The following SPDYA variants were observed in gnomAD, a reference collection of about 807,000 sequenced individuals.
SPDYA encodes speedy protein A.
Under a neutral mutation model 36.7 loss-of-function variants are expected in SPDYA, and 11 were observed. The ratio of observed to expected loss-of-function variants is 0.30; its 90% CI spans 0.19 to 0.50. The LOEUF is 0.50. SPDYA is among the 20% of genes least tolerant of loss of function. The pLI is 0.98. For missense variants in SPDYA, 287 were observed against 370.9 expected, an observed-to-expected ratio of 0.77 and a Z score of 1.86; for synonymous variants, 115 against 118.7, an observed-to-expected ratio of 0.97 and a Z score of 0.20.
chr2:28,829,666 G>C (rs1668424609), intron 6 of SPDYA, among the ~76,000 whole-genome samples: 1 of 151,854 alleles, frequency 6.6e-6, no homozygotes, highest in Non-Finnish European at 1.5e-5. Flanking sequence ...AAATTAGGCT[G>C]GGTGCGGTGG....
intron 1 of SPDYA, among the ~76,000 whole-genome samples, chr2:28,814,350 A>C (rs747731584): frequency 7.9e-5 from 12 of 151,652 alleles, no homozygotes; most frequent in Non-Finnish European, 1.8e-4. Flanking sequence ...AAAAAAAAGA[A>C]AAAAAGATTG....
chr2:28,816,867 T>TG (rs917562153), intron 3 of SPDYA, among the ~76,000 whole-genome samples: 2 of 151,758 alleles, frequency 1.3e-5, no homozygotes, highest in Non-Finnish European at 2.9e-5. Flanking sequence ...AGGGAATTTT[T>TG]TTTTTTTGAG....
intron 6 of SPDYA, among the ~76,000 whole-genome samples, chr2:28,831,650 A>G (rs773163589): frequency 6.6e-6 from 1 of 152,194 alleles, no homozygotes; most frequent in Non-Finnish European, 1.5e-5. Flanking sequence ...AATAAACTGT[A>G]AATGTAATGA....
At chr2:28,828,836 A>C (rs1185079180) in intron 5 of SPDYA, among the ~76,000 whole-genome samples, 3 of 152,242 alleles carry the variant, frequency 2.0e-5, no homozygotes, top group Non-Finnish European at 4.4e-5. Context: ...GTGAGGAATA[A>C]CTAGCCCCAG....
intron 4 of SPDYA, among the ~76,000 whole-genome samples, chr2:28,820,706 T>G (rs984722664): frequency 6.6e-6 from 1 of 152,198 alleles, no homozygotes; most frequent in African/African-American, 2.4e-5. Flanking sequence ...TACCAAGCAG[T>G]CATATTTGAA....
rs189622739 is a variant in SPDYA, at chr2:28,832,805, A to G, written c.552+3486A>G. 5.0e-3 allele frequency among the ~76,000 whole-genome samples: 759 copies of G among 151,320 alleles called. 10 individuals are homozygous for G. Among genetic ancestry groups the G allele is most frequent in the Non-Finnish European group, 6.0e-3 (407 of 67,900 alleles). ...TTTATTGTCACCTCTTGCCTTGATT[A>G]CTGGCATAAGTTTCCAAATAGTCTC... On this transcript the variant is annotated intron_variant, in intron 6 of 7. Transcript: ENST00000334056.
intron 5 of SPDYA, among the ~76,000 whole-genome samples, chr2:28,823,948 C>T (rs62131974): frequency 0.42 from 61,555 of 147,868 alleles, 13,604 homozygotes; most frequent in Non-Finnish European, 0.51. Flanking sequence ...GGTTTTACCA[C>T]GTTGGCCAGG....
intron 4 of SPDYA, among the ~76,000 whole-genome samples, chr2:28,819,552 C>G (rs1311379253): frequency 6.6e-6 from 1 of 151,638 alleles, no homozygotes; most frequent in African/African-American, 2.4e-5. Flanking sequence ...TAAGAGCTAG[C>G]CTGCACTGCT....
At chr2:28,818,003 C>A (rs1311042965) in intron 3 of SPDYA, among the ~76,000 whole-genome samples, 5 of 144,476 alleles carry the variant, frequency 3.5e-5, no homozygotes, top group South Asian at 2.2e-4. Context: ...CTCTACAATA[C>A]AAAAAAAAAA....
rs1025879002 is a variant in SPDYA, at chr2:28,811,856, T to C, written c.-93+909T>C. ...CTGTAATCCCAGCTCCTCGGGAGGC[T>C]GAGGCGGGAGAATCGCTTGAACCCG... On this transcript the variant is annotated intron_variant, in intron 1 of 7. Coordinates refer to ENST00000334056, the MANE Select transcript of SPDYA (RefSeq NM_182756.4). This position sits in a 1 kb window ranked among gnomAD's most constrained non-coding sequence, Gnocchi z 4.2. Among the ~76,000 whole-genome samples the C allele has an allele frequency of 3.9e-5, 6 of 152,174 alleles. No homozygotes were observed. Among genetic ancestry groups the C allele is most frequent in the Admixed American group, 3.9e-4 (6 of 15,288 alleles).
intron 5 of SPDYA, 34 bp from the exon 6 acceptor site, chr2:28,829,114 C>CAG: frequency 6.3e-7 from 1 of 1,587,202 alleles, no homozygotes; most frequent in East Asian, 2.2e-5. Flanking sequence ...GTCCTTTACC[C>CAG]ATTTCTTTTT....
At chr2:28,820,459 A>AC (rs1168676682) in intron 4 of SPDYA, among the ~76,000 whole-genome samples, 16 of 151,804 alleles carry the variant, frequency 1.1e-4, no homozygotes, top group Non-Finnish European at 4.4e-5. Flanking sequence ...GGTGGTGCGC[A>AC]CCCATAGTCC....
At chr2:28,847,135 G>A (rs539115959) in intron 7 of SPDYA, among the ~76,000 whole-genome samples, 15 of 152,244 alleles carry the variant, frequency 9.9e-5, no homozygotes, top group East Asian at 9.7e-4. Context: ...CTGAGGTCAG[G>A]AGTTTGAGAT....
chr2:28,836,587 GACC>G (rs1489766024), intron 6 of SPDYA, among the ~76,000 whole-genome samples: 1 of 151,912 alleles, frequency 6.6e-6, no homozygotes, highest in Non-Finnish European at 1.5e-5. Flanking sequence ...TATTATCCTT[GACC>G]ACATCAACTC....
Position 28,816,040 on chromosome 2 carries a change from A to G in SPDYA, c.26A>G (p.Glu9Gly). 1 of 1,613,396 alleles carries G rather than the reference A, an allele frequency of 6.2e-7. No homozygotes were observed. The highest frequency in any genetic ancestry group is 8.5e-7 in the Non-Finnish European group (1 of 1,179,858). The part of the protein sequence containing the change: MRHNQMCC[E>G]TPPTVTVYVK... ...ATGAGGCACAATCAGATGTGTTGTGAGACACCACCTACTGTCACTGTTTAT... is the reference window on the plus strand; with the variant it reads ...ATGAGGCACAATCAGATGTGTTGTGGGACACCACCTACTGTCACTGTTTAT... The change falls in exon 3 of 8, where the codon GAG becomes GGG. Residue 9 changes from glutamate to glycine, a missense_variant. Physicochemically the swap from Glu to Gly is moderately conservative, Grantham distance 98. Transcript: ENST00000334056.
chr2:28,832,153 T>C (rs774651239), intron 6 of SPDYA, among the ~76,000 whole-genome samples: 14 of 152,182 alleles, frequency 9.2e-5, no homozygotes, highest in Non-Finnish European at 1.8e-4. Flanking sequence ...TTCCATTCTG[T>C]TTGAACCTGT....
chr2:28,846,040 A>T (rs1668865899), intron 7 of SPDYA, among the ~76,000 whole-genome samples: 1 of 152,168 alleles, frequency 6.6e-6, no homozygotes, highest in Admixed American at 6.5e-5. Flanking sequence ...AAAGCCTCCC[A>T]CAATCGCAGA....
At chr2:28,833,583 A>T in intron 6 of SPDYA, among the ~76,000 whole-genome samples, 1 of 152,228 alleles carries the variant, frequency 6.6e-6, no homozygotes, top group Non-Finnish European at 1.5e-5. Flanking sequence ...GTTCAATTGA[A>T]TTTTGACAAG....
At chr2:28,812,329 T>G (rs551141222) in intron 1 of SPDYA, among the ~76,000 whole-genome samples, 32 of 152,216 alleles carry the variant, frequency 2.1e-4, no homozygotes, top group African/African-American at 7.2e-4. Flanking sequence ...CTATTAGGTT[T>G]TTCATATAGG....
Sources: allele counts gnomAD v4.1 joint callset (sites outside exome capture counted in the v4.1 genomes callset), GRCh38; gene constraint gnomAD v4.1.1; non-coding constraint Gnocchi (gnomAD v3.1); transcripts MANE v1.5; gene names NCBI Gene and HGNC (gene_info 2026-07-23, HGNC 2026-07-21).